Variants in ANKHD1 observed in about 807,000 individuals in gnomAD.
ANKHD1 encodes the protein ankyrin repeat and KH domain containing 1.
In ANKHD1, 31 loss-of-function variants were observed where a neutral mutation model predicts 230.5. The observed-to-expected ratio is 0.13, with a 90% CI of 0.10 to 0.18. The LOEUF (loss-of-function observed/expected upper bound fraction) is 0.18, where lower values mean the gene tolerates loss of function less well. Among genes scored for constraint, ANKHD1 ranks in the 10% least tolerant of loss-of-function variants. The pLI, the probability that ANKHD1 is intolerant of heterozygous loss-of-function variation, is 1.00. For synonymous variants in ANKHD1, 1,074 were observed against 1,117.6 expected (o/e 0.96, Z 0.78); for missense variants, 2,256 against 3,071.3 (o/e 0.73, Z 6.27).
chr5:140,445,494 A>C (rs1774210919), intron 5 of ANKHD1, among the ~76,000 whole-genome samples: 1 of 152,048 alleles, frequency 6.6e-6, no homozygotes, highest in Non-Finnish European at 1.5e-5. Flanking sequence ...ACAGAATGAC[A>C]CTCTGTCTCA....
intron 1 of ANKHD1, among the ~76,000 whole-genome samples, chr5:140,419,610 C>T (rs1292261253): frequency 1.3e-5 from 2 of 151,634 alleles, no homozygotes; most frequent in African/African-American, 4.8e-5. Flanking sequence ...TCAGCATGTA[C>T]CACTGTGCCT....
intron 1 of ANKHD1, among the ~76,000 whole-genome samples, chr5:140,421,539 G>C (rs936246488): frequency 2.0e-5 from 3 of 152,010 alleles, no homozygotes; most frequent in African/African-American, 7.2e-5. Context: ...GACCTCAAGT[G>C]ATCCACCCAC....
chr5:140,491,696 T>G (rs1751815801), intron 14 of ANKHD1, among the ~76,000 whole-genome samples: 1 of 152,196 alleles, frequency 6.6e-6, no homozygotes, highest in Admixed American at 6.5e-5. Flanking sequence ...AACAATGCTT[T>G]GATGAAAATA....
chr5:140,491,331 A>AT (rs1294149354), intron 14 of ANKHD1, among the ~76,000 whole-genome samples: 1 of 150,332 alleles, frequency 6.7e-6, no homozygotes, highest in Non-Finnish European at 1.5e-5. Flanking sequence ...CACTTGGCTA[A>AT]TTTTTTGTAT....
chr5:140,517,336 T>A (rs1753070439), intron 24 of ANKHD1, among the ~76,000 whole-genome samples: 1 of 139,454 alleles, frequency 7.2e-6, no homozygotes. Context: ...CACACATTAA[T>A]AATGGGAGAC....
At position 140,513,254 on chromosome 5, in the gene ANKHD1, G is replaced by C; in HGVS notation, c.4201-109G>C. On this transcript the variant is annotated intron_variant, in intron 23 of 33. Transcript: ENST00000360839. ...TCAAAGGATAACTTAATTTGGTTTA[G>C]TGACTTTTCAGTTTGAACTTTAACC... 4 of 1,121,254 alleles carry C rather than the reference G, an allele frequency of 3.6e-6. No individual in the cohort carries two copies. The East Asian group carries it at 1.0e-4, about 29-fold the overall frequency. 69.5% of individuals were successfully genotyped at this position (1,121,254 alleles called of 1,614,324 possible). A position where few individuals can be genotyped will look rare whatever the true frequency, so the allele number is the denominator to read the frequency against.
At chr5:140,466,872 T>C (rs1776130464) in intron 10 of ANKHD1, among the ~76,000 whole-genome samples, 1 of 151,384 alleles carries the variant, frequency 6.6e-6, no homozygotes, top group African/African-American at 2.4e-5. Flanking sequence ...AGGCGGAGGT[T>C]GCAGTGAGCT....
chr5:140,410,169 G>T (rs1398351611), intron 1 of ANKHD1, among the ~76,000 whole-genome samples: 3 of 151,968 alleles, frequency 2.0e-5, no homozygotes, highest in Non-Finnish European at 4.4e-5. Context: ...TTTAATAAAA[G>T]TATTATATAG....
intron 29 of ANKHD1, among the ~76,000 whole-genome samples, chr5:140,533,894 C>T (rs754833842): frequency 2.6e-5 from 4 of 151,388 alleles, no homozygotes; most frequent in Admixed American, 6.6e-5. Flanking sequence ...ATTCAGTATT[C>T]TCACTACCTC....
At chr5:140,458,565 T>G (rs1775395958) in intron 7 of ANKHD1, 60 bp from the exon 8 acceptor site, 1 of 1,544,136 alleles carries the variant, frequency 6.5e-7, no homozygotes, top group Non-Finnish European at 8.8e-7. Context: ...CTCTCCCACT[T>G]AAAAAAATCT....
chr5:140,451,539 G>T (rs1774732539), intron 7 of ANKHD1, among the ~76,000 whole-genome samples: 1 of 152,074 alleles, frequency 6.6e-6, no homozygotes. Flanking sequence ...TTGAGACAGG[G>T]TCTCTATCAT....
chr5:140,427,076 C>T (rs1369945484), intron 1 of ANKHD1, among the ~76,000 whole-genome samples: 1 of 152,116 alleles, frequency 6.6e-6, no homozygotes, highest in South Asian at 2.1e-4. Flanking sequence ...GGGCTCCTCA[C>T]TTCCCAGTAG....
chr5:140,462,341 T>G (rs1436411832), intron 9 of ANKHD1, among the ~76,000 whole-genome samples: 1 of 152,162 alleles, frequency 6.6e-6, no homozygotes, highest in Non-Finnish European at 1.5e-5. Flanking sequence ...TCTAAGTTCT[T>G]TTATTCCTTC....
intron 10 of ANKHD1, among the ~76,000 whole-genome samples, chr5:140,469,621 A>T (rs1776349824): frequency 6.6e-6 from 1 of 152,176 alleles, no homozygotes; most frequent in Admixed American, 6.5e-5. Flanking sequence ...TTCTGGAAGT[A>T]TGTGAAGACA....
chr5:140,419,246 G>A (rs1051923728), intron 1 of ANKHD1, among the ~76,000 whole-genome samples: 12 of 150,938 alleles, frequency 8.0e-5, no homozygotes, highest in Non-Finnish European at 1.0e-4. Context: ...CTTTTCATGT[G>A]CTTATTGGTC....
At chr5:140,451,661 A>C (rs939321294) in intron 7 of ANKHD1, among the ~76,000 whole-genome samples, 1 of 151,956 alleles carries the variant, frequency 6.6e-6, no homozygotes, top group African/African-American at 2.4e-5. Flanking sequence ...GGCGCACACC[A>C]CTATGCTTGG....
chr5:140,459,103 AATTAAT>A, intron 8 of ANKHD1, 55 bp from the exon 9 acceptor site: 1 of 1,342,416 alleles, frequency 7.4e-7, no homozygotes, highest in South Asian at 2.2e-5. Flanking sequence ...CAATTCAGAA[AATTAAT>A]ATCTTTATTA....
In ANKHD1 at chr5:140,436,121, G is replaced by A; in HGVS notation, c.324G>A (p.Leu108=). ...DEVSEVESFI[L]DQEDLDNPVL... is the part of the protein sequence containing the mutation. ...ATTAACAGGTTGAATCATTTATTTTGGACCAAGAAGATCTGGATAACCCAG... is the reference window on the plus strand; with the variant it reads ...ATTAACAGGTTGAATCATTTATTTTAGACCAAGAAGATCTGGATAACCCAG... The change falls in exon 2 of 34, where the codon TTG becomes TTA. Residue 108 remains leucine, a synonymous_variant. Coordinates refer to ENST00000360839, the MANE Select transcript of ANKHD1 (RefSeq NM_017747.3). 6.4e-7 allele frequency: 1 copy of A among 1,565,920 alleles called. No homozygotes were observed. The highest frequency in any genetic ancestry group is 8.6e-7 in the Non-Finnish European group (1 of 1,160,298).
At chr5:140,443,902 T>C (rs1046146548) in intron 5 of ANKHD1, among the ~76,000 whole-genome samples, 2 of 152,066 alleles carry the variant, frequency 1.3e-5, no homozygotes, top group Non-Finnish European at 2.9e-5. Flanking sequence ...AGTTGGGGGC[T>C]TTAATTTCTG....
Sources: allele counts gnomAD v4.1 joint callset (sites outside exome capture counted in the v4.1 genomes callset), GRCh38; gene constraint gnomAD v4.1.1; transcripts MANE v1.5; gene names NCBI Gene and HGNC (gene_info 2026-07-23, HGNC 2026-07-21).